The following POM121 variants were observed in gnomAD, a reference collection of about 807,000 sequenced individuals.
The protein encoded by POM121 is POM121 transmembrane nucleoporin.
In POM121, 32 loss-of-function variants were observed where a neutral mutation model predicts 81.3. The ratio of observed to expected loss-of-function variants is 0.39; its 90% CI spans 0.30 to 0.53. The LOEUF is 0.53. Ranked by LOEUF, POM121 falls within the 20% of genes least tolerant of loss-of-function variation. The pLI is 0.66. For missense variants in POM121, 1,138 were observed against 1,614.6 expected (o/e 0.70, Z 5.06); for synonymous variants, 514 against 694.2 (o/e 0.74, Z 4.08).
Position 72,890,980 on chromosome 7 carries a change from A to G in POM121, c.-346A>G, listed in dbSNP as rs1385107802. 4 of 1,280,908 alleles carry G rather than the reference A, an allele frequency of 3.1e-6. No homozygotes were observed. The African/African-American group carries it at 4.4e-5, about 14-fold the overall frequency. The allele number at this position is 1,280,908 out of a possible 1,614,324, so 79.3% of individuals were successfully genotyped here. ...TACTTCGGAGATCTGAAGCCGAGCAACTTGCCCAAGTCCTTCTTCTTTTCC... is the reference window on the plus strand; with the variant it reads ...TACTTCGGAGATCTGAAGCCGAGCAGCTTGCCCAAGTCCTTCTTCTTTTCC... On this transcript the variant is annotated 5_prime_UTR_variant, in exon 3 of 16. Transcript: ENST00000395270.
In POM121 at chr7:72,928,538, A is replaced by G. The variant is rs1157025206; in HGVS notation, c.1103+73A>G. 7 of 1,532,904 alleles carry G rather than the reference A, an allele frequency of 4.6e-6. No individual in the cohort carries two copies. In the East Asian group the frequency reaches 9.1e-5, roughly 20 times the overall value. 95.0% of individuals were successfully genotyped at this position (1,532,904 alleles called of 1,614,324 possible). Reference sequence around the variant, plus strand: ...CCTGATCAGAGCTGTTGCCCTATAGATTTTCCTCTTTGTTTTTTGCATTGC... The same window carrying G: ...CCTGATCAGAGCTGTTGCCCTATAGGTTTTCCTCTTTGTTTTTTGCATTGC... On this transcript the variant is annotated intron_variant, in intron 4 of 12. Coordinates refer to ENST00000434423, the MANE Select transcript of POM121 (RefSeq NM_001387691.1).
chr7:72,930,497 G>A (rs1179198512), intron 5 of POM121, among the ~76,000 whole-genome samples: 2 of 152,214 alleles, frequency 1.3e-5, no homozygotes, highest in Admixed American at 6.5e-5. Flanking sequence ...AGACAGAGCT[G>A]TGTTGTAGAT....
intron 3 of POM121, among the ~76,000 whole-genome samples, chr7:72,912,593 G>T (rs1294667300): frequency 7.2e-5 from 11 of 152,066 alleles, no homozygotes; most frequent in Admixed American, 6.6e-4. Flanking sequence ...TGGCCAACAT[G>T]GTGAAACCCC....
At chr7:72,916,458 C>T (rs1442372118) in intron 4 of POM121, among the ~76,000 whole-genome samples, 6 of 152,168 alleles carry the variant, frequency 3.9e-5, no homozygotes, top group East Asian at 1.9e-4. Context: ...TCAGGTTTGT[C>T]GAAGATCAGA....
intron 2 of POM121, 109 bp from the exon 3 acceptor site, chr7:72,926,693 A>T: frequency 2.0e-6 from 3 of 1,513,386 alleles, no homozygotes; most frequent in Non-Finnish European, 2.7e-6. Context: ...GAGTGTATAA[A>T]TTATACTTTG....
chr7:72,944,501 G>A (rs1294994156), intron 11 of POM121, among the ~76,000 whole-genome samples: 3 of 152,044 alleles, frequency 2.0e-5, no homozygotes, highest in African/African-American at 7.2e-5. Context: ...GGCAGTTTGT[G>A]GGCTGGAAAA....
chr7:72,906,734 C>T (rs1416625824), intron 3 of POM121, among the ~76,000 whole-genome samples: 2 of 152,076 alleles, frequency 1.3e-5, no homozygotes, highest in Non-Finnish European at 2.9e-5. Context: ...GTGGTTCTCT[C>T]ACCTCAGCCT....
Position 72,926,335 on chromosome 7 carries a change from T to C in POM121, c.718T>C (p.Ser240Pro). Residue 240 changes from serine (S) to proline (P), a missense_variant, in exon 2 of 13, where the codon TCC (serine) becomes CCC (proline). Ser to Pro is a moderately conservative substitution (Grantham distance 74). Transcript: ENST00000434423. ...CTATCCGATCCATCAGGCCCAGTATTCCTGTCTGGGGGTACTTCCCACCGT... is the reference window on the plus strand; with the variant it reads ...CTATCCGATCCATCAGGCCCAGTATCCCTGTCTGGGGGTACTTCCCACCGT... Reference protein sequence around the residue: ...RRYPIHQAQYSCLGVLPTVCW... With the variant: ...RRYPIHQAQYPCLGVLPTVCW... The C allele has an allele frequency of 6.2e-7, 1 of 1,612,464 alleles. No homozygotes were observed. Among genetic ancestry groups the C allele is most frequent in the Non-Finnish European group, 8.5e-7 (1 of 1,179,080 alleles).
chr7:72,919,533 G>T (rs567293262), intron 4 of POM121, among the ~76,000 whole-genome samples: 1 of 152,256 alleles, frequency 6.6e-6, no homozygotes, highest in African/African-American at 2.4e-5. Context: ...CCAGGCTGGA[G>T]TGCAATGACA....
chr7:72,926,553 AC>A (rs1795467062), intron 2 of POM121, 76 bp downstream of exon 2: 7 of 1,593,084 alleles, frequency 4.4e-6, no homozygotes, highest in Middle Eastern at 2.1e-4. Context: ...CTATGACATG[AC>A]TACAACGCAG....
chr7:72,942,981 T>G lies in POM121; in HGVS notation c.2988T>G (p.Thr996=). Residue 996 remains threonine, a synonymous_variant, in exon 11 of 13, where the codon ACT becomes ACG. Coordinates refer to ENST00000434423, the MANE Select transcript of POM121 (RefSeq NM_001387691.1). ...ALAPSFGSSF[T]FGNSAAPAAA... is the part of the protein sequence containing the mutation. ...CCCCCAGCTTTGGCAGCTCTTTCAC[T>G]TTTGGAAACTCTGCAGCCCCGGCTG... 1.2e-6 allele frequency: 2 copies of G among 1,607,772 alleles called. No individual in the cohort carries two copies. The highest frequency in any genetic ancestry group is 1.1e-5 in the South Asian group (1 of 90,502).
In POM121 at chr7:72,942,337, G is replaced by C. The variant is rs1479160206; in HGVS notation, c.2344G>C (p.Ala782Pro). 1.9e-6 allele frequency: 3 copies of C among 1,598,052 alleles called. No individual in the cohort carries two copies. The highest frequency in any genetic ancestry group is 1.7e-6 in the Non-Finnish European group (2 of 1,177,388). The change falls in exon 11 of 13, where the codon GCA becomes CCA. Residue 782 changes from alanine (A) to proline (P), a missense_variant. By Grantham distance (27) the Ala-to-Pro change is conservative (BLOSUM62 -1). This residue lies in a region of POM121 where 25 missense variants were observed against 229.8 expected (regional missense o/e 0.11). Transcript: ENST00000434423. ...TGTCTTTAGCAGCATGGGGCCACCT[G>C]CATCTGTGCCCTTGCCTGCTCCCTT... ...QPVFSSMGPPASVPLPAPFFK... is the reference protein window; with the variant it reads ...QPVFSSMGPPPSVPLPAPFFK...
chr7:72,885,979 A>T (rs1790662067), intron 1 of POM121, among the ~76,000 whole-genome samples: 1 of 152,096 alleles, frequency 6.6e-6, no homozygotes, highest in South Asian at 2.1e-4. Flanking sequence ...TATAGTATGC[A>T]ACTTTAATTG....
chr7:72,918,923 T>A (rs1289991738), intron 4 of POM121, among the ~76,000 whole-genome samples: 1 of 152,014 alleles, frequency 6.6e-6, no homozygotes, highest in Non-Finnish European at 1.5e-5. Flanking sequence ...TCAGCCTCCC[T>A]AGTAGCTGGG....
chr7:72,927,081 C>T, intron 3 of POM121, 118 bp downstream of exon 3: 3 of 1,506,390 alleles, frequency 2.0e-6, no homozygotes, highest in South Asian at 2.4e-5. Flanking sequence ...TCGTAGGCCC[C>T]CTTCTTTGGC....
upstream of POM121, chr7:72,924,980 CA>C: frequency 7.6e-7 from 1 of 1,311,786 alleles, no homozygotes; most frequent in Non-Finnish European, 9.7e-7. Context: ...CGGCATTTTC[CA>C]AACCAGTTGG....
intron 4 of POM121, among the ~76,000 whole-genome samples, chr7:72,928,875 C>T (rs181359674): frequency 6.6e-5 from 10 of 152,248 alleles, no homozygotes; most frequent in Non-Finnish European, 1.2e-4. Context: ...ACTTAGGATA[C>T]CTTAGGTACC....
At chr7:72,939,684 C>T (rs1167432439) in intron 7 of POM121, among the ~76,000 whole-genome samples, 163 bp from the exon 8 acceptor site, 3 of 152,142 alleles carry the variant, frequency 2.0e-5, no homozygotes, top group Non-Finnish European at 2.9e-5. Flanking sequence ...TTTGTGTGCG[C>T]GCCTTAATCT....
At chr7:72,901,816 A>C (rs1554492700) in intron 3 of POM121, among the ~76,000 whole-genome samples, 2 of 151,776 alleles carry the variant, frequency 1.3e-5, no homozygotes. Flanking sequence ...ATACCATTTT[A>C]AAGCATACAA....
Sources: gnomAD v4.1 joint callset for allele counts (sites outside exome capture counted in the v4.1 genomes callset) on GRCh38, gnomAD v4.1.1 for gene constraint, gnomAD v4.1.1 regional missense constraint, MANE v1.5 for transcripts, NCBI Gene and HGNC (gene_info 2026-07-23, HGNC 2026-07-21) for gene names.